The following UPF3A variants were observed in gnomAD, a reference collection of about 807,000 sequenced individuals.
The protein encoded by UPF3A is UPF3A regulator of nonsense mediated mRNA decay.
In UPF3A, 42 loss-of-function variants were observed where a neutral mutation model predicts 53.5. The observed-to-expected ratio is 0.78, with a 90% CI of 0.61 to 1.01. The LOEUF (loss-of-function observed/expected upper bound fraction) is 1.01. Among genes scored for constraint, UPF3A ranks in the 50% least tolerant of loss-of-function variants. The pLI is 0.00. For missense variants in UPF3A, 575 were observed against 598.0 expected (o/e 0.96, Z 0.40); for synonymous variants, 237 against 225.3 (o/e 1.05, Z -0.47).
rs570837264 is a variant in UPF3A at position 114,298,769 on chromosome 13, ATTAT to A, written c.847-63_847-60del. On this transcript the variant is annotated intron_variant, in intron 7 of 9. Transcript: ENST00000375299. ...GCTTCAATATTGGGGTATATTTGTA[ATTAT>A]TTATTTAACAGCTTCTTTTAAAATA... 390 of 1,340,468 alleles carry A rather than the reference ATTAT, an allele frequency of 2.9e-4. 1 individual carries two copies. In the African/African-American group the frequency reaches 5.2e-3, roughly 18 times the overall value. The allele number at this position is 1,340,468 out of a possible 1,614,324, so 83.0% of individuals were successfully genotyped here.
intron 2 of UPF3A, chr13:114,282,465 C>G: frequency 1.0e-6 from 1 of 985,430 alleles, no homozygotes; most frequent in Middle Eastern, 5.2e-4. Flanking sequence ...CGGGGGGCGC[C>G]GGCTCTTCCT....
chr13:114,294,218 T>C (rs945731252), intron 7 of UPF3A, among the ~76,000 whole-genome samples: 1 of 151,730 alleles, frequency 6.6e-6, no homozygotes, highest in Middle Eastern at 3.2e-3. Context: ...TATCAACAGC[T>C]TAAAGAAAGA....
chr13:114,286,407 C>G lies in UPF3A; in HGVS notation c.520+7C>G. 1 of 1,613,174 alleles carries G rather than the reference C, an allele frequency of 6.2e-7. No homozygotes were observed. On this transcript the variant is annotated splice_region_variant and intron_variant, in intron 4 of 9. Coordinates refer to ENST00000375299, the MANE Select transcript of UPF3A (RefSeq NM_023011.4). Reference sequence around the variant, plus strand: ...ACTGGAAGCATCGAAGATGGTGAGCCCTTTCCAAGTGCTACGTTATGAAGC... The same window carrying G: ...ACTGGAAGCATCGAAGATGGTGAGCGCTTTCCAAGTGCTACGTTATGAAGC...
At chr13:114,303,513 C>T (rs1181691649) in intron 9 of UPF3A, among the ~76,000 whole-genome samples, 6 of 152,026 alleles carry the variant, frequency 3.9e-5, no homozygotes, top group Admixed American at 3.9e-4. Context: ...CGGCCCGGTG[C>T]GGTGGCTCAT....
chr13:114,289,759 A>G (rs2085096289), intron 5 of UPF3A, among the ~76,000 whole-genome samples: 1 of 152,178 alleles, frequency 6.6e-6, no homozygotes, highest in Admixed American at 6.5e-5. Context: ...ACTTCTGTTT[A>G]CTTGTGTTCT....
At chr13:114,300,460 C>T (rs1252634953) in intron 8 of UPF3A, among the ~76,000 whole-genome samples, 1 of 152,176 alleles carries the variant, frequency 6.6e-6, no homozygotes, top group Non-Finnish European at 1.5e-5. Flanking sequence ...CAACCTCCGC[C>T]TCCCAGGTTT....
intron 7 of UPF3A, among the ~76,000 whole-genome samples, chr13:114,295,944 C>T (rs2085944312): frequency 6.6e-6 from 1 of 152,118 alleles, no homozygotes. Flanking sequence ...GACTAGTTGG[C>T]CAGAAAGCCA....
Position 114,282,845 on chromosome 13 carries a change from C to G in UPF3A, c.323C>G (p.Pro108Arg), listed in dbSNP as rs754117857. The change falls in exon 3 of 10, where the codon CCT (proline) becomes CGT (arginine). Residue 108 changes from proline to arginine, a missense_variant. Pro to Arg is a moderately radical substitution (Grantham distance 103, BLOSUM62 -2). Transcript: ENST00000375299. ...GTTATCTCTTATTTCAGTCTTTATC[C>G]TCATCTCTACTCAAGAGCATACATT... ...EFFAADLSLY[P>R]HLYSRAYINF... 6.2e-7 allele frequency: 1 copy of G among 1,605,326 alleles called. No individual in the cohort carries two copies. The highest frequency in any genetic ancestry group is 8.5e-7 in the Non-Finnish European group (1 of 1,174,720).
intron 5 of UPF3A, among the ~76,000 whole-genome samples, chr13:114,287,891 C>T (rs2084885050): frequency 6.6e-6 from 1 of 152,200 alleles, no homozygotes; most frequent in Admixed American, 6.5e-5. Context: ...ACTGCAACCT[C>T]TGCCTTCCCA....
chr13:114,283,478 AT>A (rs1484722585), intron 3 of UPF3A: 4 of 152,390 alleles, frequency 2.6e-5, no homozygotes, highest in Non-Finnish European at 5.9e-5. Flanking sequence ...GTGACAGCCT[AT>A]TTATGTATTA....
intron 5 of UPF3A, chr13:114,287,662 A>G (rs1390256693): frequency 1.3e-5 from 2 of 152,202 alleles, no homozygotes; most frequent in East Asian, 3.9e-4. Context: ...GTCTCCCACC[A>G]CATAAACTCC....
At chr13:114,292,390 C>T (rs1269575669) in intron 7 of UPF3A, among the ~76,000 whole-genome samples, 3 of 148,302 alleles carry the variant, frequency 2.0e-5, no homozygotes, top group South Asian at 4.2e-4. Context: ...TGTTCATTTT[C>T]GGCTCAAGGC....
At chr13:114,298,139 G>C (rs368249082) in intron 7 of UPF3A, among the ~76,000 whole-genome samples, 1 of 152,306 alleles carries the variant, frequency 6.6e-6, no homozygotes, top group African/African-American at 2.4e-5. Context: ...TGGGAGGCCA[G>C]GGTGGGTGGA....
chr13:114,295,712 C>T (rs769448972), intron 7 of UPF3A, among the ~76,000 whole-genome samples: 6 of 152,220 alleles, frequency 3.9e-5, no homozygotes, highest in South Asian at 2.1e-4. Flanking sequence ...CAGCATTCCC[C>T]CTTGACCACC....
chr13:114,284,614 A>G (rs2084480155), intron 3 of UPF3A, among the ~76,000 whole-genome samples: 1 of 147,240 alleles, frequency 6.8e-6, no homozygotes, highest in Non-Finnish European at 1.5e-5. Flanking sequence ...CATGAGACTC[A>G]CTTGAACCCG....
At chr13:114,301,330 G>A (rs747054570) in intron 8 of UPF3A, among the ~76,000 whole-genome samples, 8 of 151,984 alleles carry the variant, frequency 5.3e-5, no homozygotes, top group Middle Eastern at 3.4e-3. Context: ...GGGCGTGGTC[G>A]CGGGCACCTG....
chr13:114,282,558 C>T (rs2084212670), intron 2 of UPF3A: 1 of 985,468 alleles, frequency 1.0e-6, no homozygotes. Context: ...CTCGGCGCCA[C>T]GGGTTCCTCT....
intron 5 of UPF3A, among the ~76,000 whole-genome samples, chr13:114,290,075 TCACCCTGAGC>T (rs1375481157): frequency 6.6e-6 from 1 of 152,150 alleles, no homozygotes; most frequent in African/African-American, 2.4e-5. Context: ...TGTGCTGTAC[TCACCCTGAGC>T]CAGAGTTCAT....
intron 1 of UPF3A, 56 bp downstream of exon 1, chr13:114,281,902 A>AGGGAGGGGAGGGAGGGGT (rs2084058266): frequency 2.0e-6 from 1 of 505,300 alleles, no homozygotes; most frequent in East Asian, 3.4e-5. Flanking sequence ...CCCTGAGTGG[A>AGGGAGGGGAGGGAGGGGT]GGGAGGGGAG....
Sources: allele counts gnomAD v4.1 joint callset (sites outside exome capture counted in the v4.1 genomes callset), GRCh38; gene constraint gnomAD v4.1.1; transcripts MANE v1.5; gene names NCBI Gene and HGNC (gene_info 2026-07-23, HGNC 2026-07-21).